STK32B: variants seen among roughly 807,000 people sequenced by gnomAD.
The protein encoded by STK32B is serine/threonine-protein kinase 32B.
In STK32B, 43 loss-of-function variants were observed where a neutral mutation model predicts 52.6. That is an observed-to-expected ratio of 0.82 (90% confidence interval 0.64 to 1.05). The LOEUF (loss-of-function observed/expected upper bound fraction) is 1.05. Ranked by LOEUF, STK32B falls within the 50% of genes least tolerant of loss-of-function variation. The pLI is 0.00. For synonymous variants in STK32B, 238 were observed against 204.3 expected, an observed-to-expected ratio of 1.17 and a Z score of -1.41; for missense variants, 621 against 534.6, an observed-to-expected ratio of 1.16 and a Z score of -1.59.
intron 3 of STK32B, among the ~76,000 whole-genome samples, chr4:5,218,757 G>T (rs1723337665): frequency 6.6e-6 from 1 of 152,218 alleles, no homozygotes; most frequent in Non-Finnish European, 1.5e-5. Context: ...AAAATGCAGA[G>T]TAGAAGGTGG....
rs1380509387 is a variant in STK32B, at chr4:5,400,330, C to G, written c.472+2086C>G. On this transcript the variant is annotated intron_variant, in intron 5 of 11. Coordinates refer to ENST00000282908, the MANE Select transcript of STK32B (RefSeq NM_018401.3). This position sits in a 1 kb window ranked among gnomAD's most constrained non-coding sequence, Gnocchi z 6.1. ...CCTTTCTGTACCCATTCTCAGCCTC[C>G]ACCTCAGCCTTCCCCACATTCTTTC... Among the ~76,000 whole-genome samples the G allele has an allele frequency of 1.3e-5, 2 of 152,164 alleles. No homozygotes were observed. Among genetic ancestry groups the G allele is most frequent in the African/African-American group, 4.8e-5 (2 of 41,450 alleles).
At chr4:5,267,345 T>G (rs750318459) in intron 3 of STK32B, among the ~76,000 whole-genome samples, 3 of 152,214 alleles carry the variant, frequency 2.0e-5, no homozygotes, top group Admixed American at 6.5e-5. Flanking sequence ...TTTATTAGTC[T>G]GTGACCTTGA....
At chr4:5,480,226 G>C (rs1282337734) in intron 11 of STK32B, among the ~76,000 whole-genome samples, 5 of 152,134 alleles carry the variant, frequency 3.3e-5, no homozygotes, top group Non-Finnish European at 7.3e-5. Flanking sequence ...TTCACAAAAA[G>C]AGTCAAACTC....
At chr4:5,279,538 C>G (rs751375054) in intron 3 of STK32B, among the ~76,000 whole-genome samples, 2 of 152,172 alleles carry the variant, frequency 1.3e-5, no homozygotes, top group African/African-American at 4.8e-5. Flanking sequence ...GTACACAGTG[C>G]AAGCTGTCAG....
chr4:5,311,690 G>A (rs1446481869), intron 3 of STK32B, among the ~76,000 whole-genome samples: 1 of 151,880 alleles, frequency 6.6e-6, no homozygotes, highest in African/African-American at 2.4e-5. Context: ...TAGAAGAAAT[G>A]GACCAATTCC....
chr4:5,270,644 G>C (rs1431184617), intron 3 of STK32B, among the ~76,000 whole-genome samples: 1 of 152,180 alleles, frequency 6.6e-6, no homozygotes, highest in African/African-American at 2.4e-5. Context: ...CCTGAGATCT[G>C]GAACAAATAT....
At chr4:5,161,374 A>G (rs73797103) in intron 2 of STK32B, among the ~76,000 whole-genome samples, 8,025 of 152,234 alleles carry the variant, frequency 0.053, 282 homozygotes, top group East Asian at 0.14. Context: ...TTTTTCTCAC[A>G]TAACAAGAAA....
intron 3 of STK32B, among the ~76,000 whole-genome samples, chr4:5,276,738 C>T (rs1373422735): frequency 6.6e-6 from 1 of 152,054 alleles, no homozygotes; most frequent in African/African-American, 2.4e-5. Context: ...AGTCATATTA[C>T]CGAGAGGGGA....
chr4:5,284,095 A>C (rs1041014362), intron 3 of STK32B, among the ~76,000 whole-genome samples: 1 of 152,132 alleles, frequency 6.6e-6, no homozygotes, highest in African/African-American at 2.4e-5. Flanking sequence ...ATTGTAAAAG[A>C]GGGAGAGGGA....
chr4:5,289,996 A>G (rs758483960), intron 3 of STK32B, among the ~76,000 whole-genome samples: 9 of 151,946 alleles, frequency 5.9e-5, no homozygotes, highest in East Asian at 1.9e-4. Flanking sequence ...TAGTTTTTCA[A>G]TCTTCACCCT....
At chr4:5,188,002 C>T (rs756458847) in intron 3 of STK32B, among the ~76,000 whole-genome samples, 39 of 152,302 alleles carry the variant, frequency 2.6e-4, no homozygotes, top group Admixed American at 9.8e-4. Context: ...GCCTCAGTTT[C>T]CTCGTGTAGG....
At chr4:5,107,129 G>T (rs1284856399) in intron 1 of STK32B, among the ~76,000 whole-genome samples, 2 of 152,064 alleles carry the variant, frequency 1.3e-5, no homozygotes, top group Admixed American at 1.3e-4. Flanking sequence ...ATTAGCTCCG[G>T]CATTAGATTT....
intron 1 of STK32B, among the ~76,000 whole-genome samples, chr4:5,124,492 T>C (rs943669485): frequency 1.3e-5 from 2 of 152,178 alleles, no homozygotes; most frequent in Non-Finnish European, 2.9e-5. Context: ...GGACTGAGTT[T>C]GGTTTGTTCC....
chr4:5,150,978 G>A (rs570025183), intron 2 of STK32B, among the ~76,000 whole-genome samples: 1 of 152,198 alleles, frequency 6.6e-6, no homozygotes, highest in South Asian at 2.1e-4. Context: ...TGAGAGTTTT[G>A]TTCCTGAACC....
intron 3 of STK32B, among the ~76,000 whole-genome samples, chr4:5,308,586 C>T (rs904062240): frequency 6.6e-6 from 1 of 152,164 alleles, no homozygotes; most frequent in Non-Finnish European, 1.5e-5. Context: ...TTCATTTAGT[C>T]ACTCATTCAT....
At chr4:5,323,832 A>G (rs1731688894) in intron 3 of STK32B, among the ~76,000 whole-genome samples, 2 of 152,208 alleles carry the variant, frequency 1.3e-5, no homozygotes, top group African/African-American at 2.4e-5. Context: ...AGAGACCAGA[A>G]GAGCAATGGT....
chr4:5,323,694 G>T (rs774834198), intron 3 of STK32B, among the ~76,000 whole-genome samples: 1 of 152,214 alleles, frequency 6.6e-6, no homozygotes, highest in East Asian at 1.9e-4. Context: ...CAGAATATGG[G>T]TGTTTCAGGC....
rs148244762 is a variant in STK32B at position 5,371,215 on chromosome 4, G to A, written c.435-26992G>A. 4.4e-3 allele frequency among the ~76,000 whole-genome samples: 675 copies of A among 152,118 alleles called. 5 individuals carry two copies. Among genetic ancestry groups the A allele is most frequent in the African/African-American group, 0.015 (605 of 41,484 alleles). On this transcript the variant is annotated intron_variant, in intron 4 of 11. Transcript: ENST00000282908. ...AGCCAATGAGCAGAAGGAGGGATCAGTAGATGGAAAATGACTAAGAGGAGA... is the reference window on the plus strand; with the variant it reads ...AGCCAATGAGCAGAAGGAGGGATCAATAGATGGAAAATGACTAAGAGGAGA...
intron 5 of STK32B, among the ~76,000 whole-genome samples, chr4:5,406,298 C>A (rs1422962683): frequency 6.6e-6 from 1 of 152,188 alleles, no homozygotes; most frequent in East Asian, 1.9e-4. Context: ...CCCTCGGCTG[C>A]CTTCACAGGT....
Sources: gnomAD v4.1 joint callset for allele counts (sites outside exome capture counted in the v4.1 genomes callset) on GRCh38, gnomAD v4.1.1 for gene constraint, Gnocchi (gnomAD v3.1) non-coding constraint, MANE v1.5 for transcripts, NCBI Gene and HGNC (gene_info 2026-07-23, HGNC 2026-07-21) for gene names.